CSMD1: variants seen among roughly 807,000 people sequenced by gnomAD.
The protein encoded by CSMD1 is CUB and sushi domain-containing protein 1.
In CSMD1, 213 loss-of-function variants were observed where a neutral mutation model predicts 417.5. That is an observed-to-expected ratio of 0.51 (90% CI 0.46 to 0.57). The LOEUF (loss-of-function observed/expected upper bound fraction) is 0.57. Among genes scored for constraint, CSMD1 ranks in the 20% least tolerant of loss-of-function variants. The pLI is 0.00. For synonymous variants in CSMD1, 2,862 were observed against 1,736.8 expected (o/e 1.65, Z -16.11); for missense variants, 6,923 against 4,529.7 (o/e 1.53, Z -15.17).
chr8:4,709,244 G>T (rs1808139905), intron 1 of CSMD1, among the ~76,000 whole-genome samples: 1 of 152,166 alleles, frequency 6.6e-6, no homozygotes, highest in African/African-American at 2.4e-5. Context: ...CTTGTAGACT[G>T]GTGTGGGGAG....
chr8:4,714,979 C>A (rs188842929), intron 1 of CSMD1, among the ~76,000 whole-genome samples: 1 of 152,148 alleles, frequency 6.6e-6, no homozygotes, highest in East Asian at 1.9e-4. Context: ...GACTGTATTT[C>A]CCTTTATGCT....
intron 3 of CSMD1, among the ~76,000 whole-genome samples, chr8:4,403,403 G>C (rs941831196): frequency 2.6e-5 from 4 of 151,926 alleles, no homozygotes; most frequent in Non-Finnish European, 4.4e-5. Flanking sequence ...ATTCTCTTTT[G>C]AACCACAGAA....
intron 2 of CSMD1, among the ~76,000 whole-genome samples, chr8:4,477,366 C>T (rs949421558): frequency 1.3e-5 from 2 of 152,132 alleles, no homozygotes; most frequent in African/African-American, 4.8e-5. Flanking sequence ...AGGGGCTCTC[C>T]ACAAGCCATC....
At chr8:4,680,479 C>T (rs1439750518) in intron 1 of CSMD1, among the ~76,000 whole-genome samples, 1 of 152,118 alleles carries the variant, frequency 6.6e-6, no homozygotes, top group South Asian at 2.1e-4. Flanking sequence ...CTTGATGACA[C>T]TGGGCAGATG....
At chr8:3,605,692 G>A (rs932865805) in intron 8 of CSMD1, among the ~76,000 whole-genome samples, 2 of 152,150 alleles carry the variant, frequency 1.3e-5, no homozygotes, top group Admixed American at 6.5e-5. Context: ...ATAAAAATAT[G>A]CTAAGACAAA....
intron 3 of CSMD1, among the ~76,000 whole-genome samples, chr8:4,277,706 A>G (rs1796564396): frequency 6.6e-6 from 1 of 152,142 alleles, no homozygotes; most frequent in East Asian, 1.9e-4. Flanking sequence ...AACTCCTTAA[A>G]GTGTTAACAT....
At chr8:4,135,362 AGGAAG>A (rs1803361050) in intron 3 of CSMD1, among the ~76,000 whole-genome samples, 1 of 47,296 alleles carries the variant, frequency 2.1e-5, no homozygotes, top group African/African-American at 9.5e-5. Context: ...AAAGGAGGGA[AGGAAG>A]GGGAAAGTGG....
At chr8:4,014,024 T>C (rs771593453) in intron 4 of CSMD1, among the ~76,000 whole-genome samples, 1 of 152,104 alleles carries the variant, frequency 6.6e-6, no homozygotes, top group Non-Finnish European at 1.5e-5. Context: ...TGAAAGGACA[T>C]ACGGAGAAAT....
chr8:3,396,172 G>A (rs549007680), intron 17 of CSMD1, 22 bp downstream of exon 17: 5 of 1,549,728 alleles, frequency 3.2e-6, no homozygotes, highest in Middle Eastern at 2.1e-4. Flanking sequence ...CTGCCGGGCT[G>A]TCAAGGGAAG....
intron 3 of CSMD1, among the ~76,000 whole-genome samples, chr8:4,160,866 A>T (rs1200589098): frequency 1.3e-5 from 2 of 152,224 alleles, no homozygotes; most frequent in Admixed American, 1.3e-4. Flanking sequence ...CTTAAGGAGA[A>T]ATTCTAAAAA....
At chr8:4,044,691 T>C (rs2130655519) in intron 3 of CSMD1, among the ~76,000 whole-genome samples, 1 of 152,184 alleles carries the variant, frequency 6.6e-6, no homozygotes, top group African/African-American at 2.4e-5. Flanking sequence ...CCTACAATCC[T>C]GGCTGCGTAC....
intron 3 of CSMD1, among the ~76,000 whole-genome samples, chr8:4,145,386 A>G (rs567860135): frequency 2.0e-5 from 3 of 151,084 alleles, no homozygotes; most frequent in Non-Finnish European, 2.9e-5. Context: ...ATTATATACT[A>G]TAGTCTTCTT....
At chr8:4,461,105 C>T (rs552970376) in intron 2 of CSMD1, among the ~76,000 whole-genome samples, 1 of 150,678 alleles carries the variant, frequency 6.6e-6, no homozygotes, top group South Asian at 2.1e-4. Flanking sequence ...ATAGGCTTAG[C>T]ATCTGAAAAT....
At chr8:3,390,426 T>C in intron 17 of CSMD1, among the ~76,000 whole-genome samples, 1 of 151,112 alleles carries the variant, frequency 6.6e-6, no homozygotes, top group East Asian at 1.9e-4. Context: ...AATACATTTA[T>C]GATAAACTAA....
Position 3,966,730 on chromosome 8 carries a change from CAG to C in CSMD1, c.818+31171_818+31172del, listed in dbSNP as rs1397675153. ...GGCAGGCTGCAGGCATTCACACACA[CAG>C]ACACACACACACACACACACACGCG... is the stretch of plus-strand genomic sequence containing the variant. On this transcript the variant is annotated intron_variant, in intron 5 of 69. Coordinates refer to ENST00000635120, the MANE Select transcript of CSMD1 (RefSeq NM_033225.6). Among the ~76,000 whole-genome samples, 373 of 101,830 alleles carry C rather than the reference CAG, an allele frequency of 3.7e-3. 5 individuals are homozygous for C. The highest frequency in any genetic ancestry group is 0.027 in the South Asian group (73 of 2,686). 66.8% of individuals were successfully genotyped at this position (101,830 alleles called of 152,430 possible).
At chr8:3,940,366 C>T (rs1163175176) in intron 5 of CSMD1, among the ~76,000 whole-genome samples, 1 of 151,778 alleles carries the variant, frequency 6.6e-6, no homozygotes, top group Admixed American at 6.6e-5. Context: ...GGGGGGAAAA[C>T]AGTATGTTAT....
intron 26 of CSMD1, among the ~76,000 whole-genome samples, chr8:3,263,954 C>T (rs1801261615): frequency 6.6e-6 from 1 of 152,174 alleles, no homozygotes; most frequent in Non-Finnish European, 1.5e-5. Flanking sequence ...ACTTTGAATG[C>T]AGCATAAAAT....
chr8:3,089,692 G>C (rs1000321313), intron 48 of CSMD1, among the ~76,000 whole-genome samples: 1 of 152,132 alleles, frequency 6.6e-6, no homozygotes, highest in African/African-American at 2.4e-5. Flanking sequence ...AAAAAGCTGT[G>C]AGATAGATAA....
At chr8:4,185,318 T>C (rs1470635266) in intron 3 of CSMD1, among the ~76,000 whole-genome samples, 1 of 152,058 alleles carries the variant, frequency 6.6e-6, no homozygotes, top group Non-Finnish European at 1.5e-5. Flanking sequence ...GACCCTGTCT[T>C]AAAAAGGGCT....
Sources: allele counts gnomAD v4.1 joint callset (sites outside exome capture counted in the v4.1 genomes callset), GRCh38; gene constraint gnomAD v4.1.1; transcripts MANE v1.5; gene names NCBI Gene and HGNC (gene_info 2026-07-23, HGNC 2026-07-21).